CLIP4: variants seen among roughly 807,000 people sequenced by gnomAD.
CLIP4 encodes the protein CAP-Gly domain containing linker protein family member 4.
A neutral mutation model predicts 73.1 loss-of-function variants in CLIP4; 47 were observed. The observed-to-expected ratio is 0.64, with a 90% CI of 0.51 to 0.82. CLIP4 has a LOEUF of 0.82. Ranked by LOEUF, CLIP4 falls within the 40% of genes least tolerant of loss-of-function variation. The pLI, the probability that CLIP4 is intolerant of heterozygous loss-of-function variation, is 0.00. For synonymous variants in CLIP4, 306 were observed against 295.4 expected (o/e 1.04, Z -0.37); for missense variants, 874 against 852.9 (o/e 1.02, Z -0.31).
chr2:29,164,060 GTCT>G, intron 13 of CLIP4, 106 bp downstream of exon 13: 1 of 994,628 alleles, frequency 1.0e-6, no homozygotes, highest in Non-Finnish European at 1.5e-6. Flanking sequence ...TGTAGCTCAT[GTCT>G]TCTTTCAAGG....
At chr2:29,104,395 C>A (rs1225631750) in intron 1 of CLIP4, among the ~76,000 whole-genome samples, 3 of 152,192 alleles carry the variant, frequency 2.0e-5, no homozygotes, top group Non-Finnish European at 4.4e-5. Flanking sequence ...CCAGCCTCAA[C>A]CTCCTGAGTA....
At position 29,143,755 on chromosome 2, in the gene CLIP4, A is replaced by G. The variant is rs1243781681; in HGVS notation, c.695A>G (p.Asp232Gly). 5 of 1,614,094 alleles carry G rather than the reference A, an allele frequency of 3.1e-6. No homozygotes were observed. The highest frequency in any genetic ancestry group is 4.2e-6 in the Non-Finnish European group (5 of 1,179,910). Residue 232 changes from aspartate to glycine, a missense_variant, in exon 7 of 16, where the codon GAT becomes GGT. Transcript: ENST00000320081. The stretch of plus-strand genomic sequence containing the variant: ...GCTGATGTTGTTCCAGACCCAGTAG[A>G]TATGCCGTTAGAGATGGCTGACGCC... Reference protein sequence around the residue: ...IPADVVPDPVDMPLEMADAAA... With the variant: ...IPADVVPDPVGMPLEMADAAA...
At chr2:29,108,928 G>A (rs1442129140) in intron 1 of CLIP4, among the ~76,000 whole-genome samples, 1 of 152,210 alleles carries the variant, frequency 6.6e-6, no homozygotes, top group African/African-American at 2.4e-5. Context: ...ATTGCAGGCT[G>A]TGGATGGAGC....
At chr2:29,169,459 C>A (rs1240578584) in intron 14 of CLIP4, among the ~76,000 whole-genome samples, 1 of 151,816 alleles carries the variant, frequency 6.6e-6, no homozygotes, top group East Asian at 1.9e-4. Context: ...CTTCCAATTA[C>A]ATATGACCTC....
chr2:29,122,244 T>C (rs1239997203), intron 2 of CLIP4, among the ~76,000 whole-genome samples: 1 of 151,032 alleles, frequency 6.6e-6, no homozygotes, highest in African/African-American at 2.4e-5. Context: ...AAGTTTCTTT[T>C]TTTTTTTTTT....
At chr2:29,158,920 G>A (rs1667112185) in intron 11 of CLIP4, among the ~76,000 whole-genome samples, 1 of 152,168 alleles carries the variant, frequency 6.6e-6, no homozygotes, top group Non-Finnish European at 1.5e-5. Flanking sequence ...ACAGGCATGA[G>A]CCATCATGCC....
At chr2:29,118,307 A>G (rs1386828431) in intron 1 of CLIP4, 2 of 152,172 alleles carry the variant, frequency 1.3e-5, no homozygotes, top group African/African-American at 4.8e-5. Context: ...ATCCCCATTT[A>G]TTACTGCTCT....
chr2:29,117,438 G>C (rs1663938783), intron 1 of CLIP4, among the ~76,000 whole-genome samples: 1 of 151,518 alleles, frequency 6.6e-6, no homozygotes, highest in Admixed American at 6.6e-5. Flanking sequence ...CTGCCTCCCA[G>C]GTTCAAGCGA....
chr2:29,128,706 C>T (rs1282160753), intron 2 of CLIP4, among the ~76,000 whole-genome samples: 1 of 152,034 alleles, frequency 6.6e-6, no homozygotes. Flanking sequence ...CAATTTTAGC[C>T]AGCTTAATCA....
chr2:29,133,982 A>G (rs900876250), intron 5 of CLIP4, among the ~76,000 whole-genome samples, 166 bp downstream of exon 5: 2 of 152,120 alleles, frequency 1.3e-5, no homozygotes, highest in African/African-American at 2.4e-5. Flanking sequence ...TTGAGTATTA[A>G]TTACTATCTT....
At chr2:29,132,402 C>T (rs1008910870) in intron 4 of CLIP4, 157 bp downstream of exon 4, 2 of 628,568 alleles carry the variant, frequency 3.2e-6, no homozygotes, top group Non-Finnish European at 5.6e-6. Context: ...TTCCAAAAAC[C>T]ATATTCCCTT....
intron 8 of CLIP4, among the ~76,000 whole-genome samples, chr2:29,151,008 AATTC>A (rs1272704007): frequency 1.3e-5 from 2 of 152,158 alleles, no homozygotes; most frequent in Non-Finnish European, 2.9e-5. Flanking sequence ...GGATATAGTG[AATTC>A]ATTCATCATA....
At chr2:29,165,883 G>C (rs1436711522) in intron 13 of CLIP4, among the ~76,000 whole-genome samples, 1 of 150,518 alleles carries the variant, frequency 6.6e-6, no homozygotes, top group Non-Finnish European at 1.5e-5. Context: ...TTCTTGCTTT[G>C]TTTCTGGAGC....
intron 6 of CLIP4, among the ~76,000 whole-genome samples, chr2:29,138,666 G>A (rs1329681605): frequency 2.0e-5 from 3 of 151,928 alleles, no homozygotes; most frequent in Admixed American, 1.3e-4. Context: ...CCATTTGTTT[G>A]TGTTCTTTCA....
At position 29,160,183 on chromosome 2, in the gene CLIP4, A is replaced by C; in HGVS notation, c.1400-150A>C. The C allele has an allele frequency of 3.5e-6, 3 of 864,350 alleles. No homozygotes were observed. In the East Asian group the frequency reaches 8.1e-5, roughly 23 times the overall value. 53.5% of individuals were successfully genotyped at this position (864,350 alleles called of 1,614,324 possible). On this transcript the variant is annotated intron_variant, in intron 11 of 15. Coordinates refer to ENST00000320081, the MANE Select transcript of CLIP4 (RefSeq NM_024692.6). ...ACAACTGTAGATGACTTATGTGATG[A>C]AAGGCATCAGATATCAAAATCACCA... is the stretch of plus-strand genomic sequence containing the variant.
chr2:29,159,131 A>C (rs1167525020), intron 11 of CLIP4, among the ~76,000 whole-genome samples: 1 of 152,218 alleles, frequency 6.6e-6, no homozygotes, highest in Non-Finnish European at 1.5e-5. Context: ...GCACTTTGTA[A>C]ACTATGAAGT....
intron 11 of CLIP4, 138 bp downstream of exon 11, chr2:29,157,485 C>T: frequency 2.2e-6 from 3 of 1,351,414 alleles, no homozygotes; most frequent in Non-Finnish European, 3.1e-6. Flanking sequence ...TTCCCCACCT[C>T]CCCCGAACCT....
intron 13 of CLIP4, among the ~76,000 whole-genome samples, chr2:29,164,994 A>G (rs940067642): frequency 2.0e-5 from 3 of 152,206 alleles, no homozygotes; most frequent in Non-Finnish European, 2.9e-5. Flanking sequence ...AACTATTACA[A>G]ACATTTGTTG....
intron 13 of CLIP4, among the ~76,000 whole-genome samples, chr2:29,166,195 A>C (rs1205194784): frequency 6.6e-6 from 1 of 152,126 alleles, no homozygotes; most frequent in East Asian, 1.9e-4. Flanking sequence ...GAAAGATACC[A>C]CTGATCTTCA....
Sources: gnomAD v4.1 joint callset for allele counts (sites outside exome capture counted in the v4.1 genomes callset) on GRCh38, gnomAD v4.1.1 for gene constraint, MANE v1.5 for transcripts, NCBI Gene and HGNC (gene_info 2026-07-23, HGNC 2026-07-21) for gene names.